ZNF638: variants seen among roughly 807,000 people sequenced by gnomAD.
ZNF638 encodes the protein zinc finger protein 638.
In ZNF638, 46 loss-of-function variants were observed where a neutral mutation model predicts 195.6. That is an observed-to-expected ratio of 0.24 (90% CI 0.19 to 0.30). The LOEUF is 0.30. Ranked by LOEUF, ZNF638 falls within the 10% of genes least tolerant of loss-of-function variation. The pLI is 1.00. For missense variants in ZNF638, 2,440 were observed against 2,325.3 expected, an observed-to-expected ratio of 1.05 and a Z score of -1.01; for synonymous variants, 845 against 772.0, an observed-to-expected ratio of 1.09 and a Z score of -1.57.
At chr2:71,381,298 C>A (rs573892573) in intron 10 of ZNF638, among the ~76,000 whole-genome samples, 1 of 151,972 alleles carries the variant, frequency 6.6e-6, no homozygotes, top group Non-Finnish European at 1.5e-5. Context: ...GTTTTTCTAA[C>A]TGGAATGAGG....
rs184212716 is a variant in ZNF638, at chr2:71,395,249, T to G, written c.2378-892T>G. On this transcript the variant is annotated intron_variant, in intron 10 of 27. Coordinates refer to ENST00000264447, the MANE Select transcript of ZNF638 (RefSeq NM_014497.5). ...CTTATGTTATTTACTAATTCTAGGA[T>G]GCAAAGCCGGAATACGAGCAGTAAT... is the stretch of plus-strand genomic sequence containing the variant. The G allele has an allele frequency of 5.7e-5, 41 of 717,376 alleles. No homozygotes were observed. The African/African-American group carries it at 6.8e-4, about 12-fold the overall frequency. The allele number at this position is 717,376 out of a possible 1,614,324, so 44.4% of individuals were successfully genotyped here.
At chr2:71,404,136 A>G in intron 17 of ZNF638, 138 bp downstream of exon 17, 1 of 800,156 alleles carries the variant, frequency 1.2e-6, no homozygotes, top group Non-Finnish European at 2.0e-6. Context: ...CTGTCCCTCC[A>G]ACAATCACCC....
chr2:71,423,824 T>C lies in ZNF638; in HGVS notation c.4310T>C (p.Phe1437Ser). 3 of 1,614,052 alleles carry C rather than the reference T, an allele frequency of 1.9e-6. No individual in the cohort carries two copies. The highest frequency in any genetic ancestry group is 2.5e-6 in the Non-Finnish European group (3 of 1,179,986). ...NAEKKLSAKE[F>S]GLLKPTSARS... ...GAAAAGAAACTTTCAGCCAAGGAAT[T>C]TGGTCTGCTTAAACCCACAAGTGCC... is the stretch of plus-strand genomic sequence containing the variant. Residue 1437 changes from phenylalanine to serine, a missense_variant, in exon 22 of 28, where the codon TTT becomes TCT. This residue lies in a region of ZNF638 where 1,883 missense variants were observed against 1,739.1 expected (regional missense o/e 1.08). Coordinates refer to ENST00000264447, the MANE Select transcript of ZNF638 (RefSeq NM_014497.5).
Position 71,418,341 on chromosome 2 carries a change from A to G in ZNF638, c.3262-261A>G, listed in dbSNP as rs919636369. 2.5e-5 allele frequency: 7 copies of G among 283,892 alleles called. No homozygotes were observed. The Admixed American group carries it at 3.1e-4, about 12-fold the overall frequency. 17.6% of individuals were successfully genotyped at this position (283,892 alleles called of 1,614,324 possible). On this transcript the variant is annotated intron_variant, in intron 20 of 27. Transcript: ENST00000264447. ...GAATTTCCAGGCTTCTAAAGTTAAT[A>G]AAGTTTCTTATTTATATCATTATTA...
At chr2:71,425,592 A>T (rs764365269) in intron 23 of ZNF638, among the ~76,000 whole-genome samples, 9 of 152,306 alleles carry the variant, frequency 5.9e-5, no homozygotes, top group East Asian at 5.8e-4. Context: ...GTTTTCAAAT[A>T]CAGTTATGTT....
chr2:71,358,472 G>C (rs1405465959), intron 3 of ZNF638, among the ~76,000 whole-genome samples: 1 of 152,188 alleles, frequency 6.6e-6, no homozygotes, highest in Non-Finnish European at 1.5e-5. Flanking sequence ...AACAGTGTGT[G>C]TATTAGCACC....
In ZNF638 at chr2:71,363,937, C is replaced by T. The variant is rs376507608; in HGVS notation, c.1419-17C>T. On this transcript the variant is annotated splice_polypyrimidine_tract_variant and intron_variant, in intron 4 of 27. Transcript: ENST00000264447. ...TTAAATTGCTGATCACTTTCTTTTC[C>T]GCCCCCCTGCTTGTAGAAATGAGGG... 167 of 1,587,574 alleles carry T rather than the reference C, an allele frequency of 1.1e-4. 2 individuals carry two copies. Among genetic ancestry groups the T allele is most frequent in the South Asian group, 9.3e-4 (81 of 86,916 alleles).
intron 16 of ZNF638, among the ~76,000 whole-genome samples, chr2:71,403,179 TG>T (rs1182492922): frequency 6.6e-6 from 1 of 152,164 alleles, no homozygotes; most frequent in Non-Finnish European, 1.5e-5. Flanking sequence ...TAAGAGTATT[TG>T]TTTAAAAAAG....
chr2:71,336,403 A>T (rs994058911), intron 1 of ZNF638, among the ~76,000 whole-genome samples: 1 of 149,676 alleles, frequency 6.7e-6, no homozygotes, highest in South Asian at 2.1e-4. Context: ...AAAAAAAACC[A>T]AAAAAACACA....
At chr2:71,343,217 GGC>G (rs1478195185) in intron 1 of ZNF638, among the ~76,000 whole-genome samples, 1 of 151,976 alleles carries the variant, frequency 6.6e-6, no homozygotes, top group African/African-American at 2.4e-5. Flanking sequence ...TTGGCACTTT[GGC>G]TATAGGAACG....
Position 71,365,614 on chromosome 2 carries a change from C to T in ZNF638, c.1903C>T (p.His635Tyr). ...AAAGAGTGATTCAAATCTAGGAGGA[C>T]ATTCTATTCGTTGTAAATCAAAGAA... ...ATKSDSNLGG[H>Y]SIRCKSKNLE... is the part of the protein sequence containing the mutation. The change falls in exon 6 of 28, where the codon CAT becomes TAT. Residue 635 changes from histidine (H) to tyrosine (Y), a missense_variant. His to Tyr is a moderately conservative substitution (Grantham distance 83). Coordinates refer to ENST00000264447, the MANE Select transcript of ZNF638 (RefSeq NM_014497.5). The T allele has an allele frequency of 1.2e-6, 2 of 1,614,086 alleles. No homozygotes were observed. Among genetic ancestry groups the T allele is most frequent in the Non-Finnish European group, 1.7e-6 (2 of 1,179,972 alleles).
chr2:71,418,636 A>G lies in ZNF638; in HGVS notation c.3296A>G (p.Glu1099Gly), dbSNP rs774376565. 2.6e-5 allele frequency: 40 copies of G among 1,563,564 alleles called. 1 individual carries two copies. In the South Asian group the frequency reaches 4.8e-4, roughly 19 times the overall value. ...GAGCATGACCCAGAATTAGAAAAAGAAAGGTATGTTGCTTTATGTTTACTA... is the reference window on the plus strand; with the variant it reads ...GAGCATGACCCAGAATTAGAAAAAGGAAGGTATGTTGCTTTATGTTTACTA... ...QIEHDPELEK[E>G]SPGLKNSPID... The change falls in exon 21 of 28, where the codon GAA becomes GGA. Residue 1099 changes from glutamate (E) to glycine (G), a missense_variant. By Grantham distance (98) the Glu-to-Gly change is moderately conservative (BLOSUM62 -2). Around this residue, in one of 5 missense-constraint regions of ZNF638, gnomAD observed 1,883 missense variants for 1,739.1 expected, o/e 1.08. Coordinates refer to ENST00000264447, the MANE Select transcript of ZNF638 (RefSeq NM_014497.5).
intron 8 of ZNF638, among the ~76,000 whole-genome samples, chr2:71,377,219 T>C (rs2079447084): frequency 6.6e-6 from 1 of 151,930 alleles, no homozygotes. Flanking sequence ...GGTGACGGAG[T>C]GAGACCCTAT....
chr2:71,338,453 G>A (rs1021598226), intron 1 of ZNF638, among the ~76,000 whole-genome samples: 1 of 151,720 alleles, frequency 6.6e-6, no homozygotes, highest in East Asian at 1.9e-4. Context: ...TGTATTTCTT[G>A]TCTTTCACAA....
intron 1 of ZNF638, among the ~76,000 whole-genome samples, chr2:71,335,448 A>T (rs1181123357): frequency 6.6e-6 from 1 of 152,200 alleles, no homozygotes; most frequent in Non-Finnish European, 1.5e-5. Context: ...AAAATTTCCT[A>T]TCTTATTTCC....
chr2:71,431,952 T>A (rs1387403969), intron 26 of ZNF638, among the ~76,000 whole-genome samples: 1 of 152,230 alleles, frequency 6.6e-6, no homozygotes. Flanking sequence ...ATCTGGGATG[T>A]ATCTCCTCTT....
At chr2:71,431,710 A>ATT (rs1461972974) in intron 26 of ZNF638, among the ~76,000 whole-genome samples, 1 of 151,508 alleles carries the variant, frequency 6.6e-6, no homozygotes, top group Non-Finnish European at 1.5e-5. Flanking sequence ...CAGTGAGCCG[A>ATT]GATAGCGCCA....
intron 21 of ZNF638, among the ~76,000 whole-genome samples, chr2:71,419,870 T>A (rs191638705): frequency 9.9e-5 from 15 of 150,954 alleles, no homozygotes; most frequent in Non-Finnish European, 1.5e-4. Context: ...ACATAGCTTT[T>A]AAAATTGAAT....
chr2:71,393,960 A>G (rs1367901982), intron 10 of ZNF638, among the ~76,000 whole-genome samples: 1 of 152,186 alleles, frequency 6.6e-6, no homozygotes, highest in Non-Finnish European at 1.5e-5. Context: ...CAAATGGCAA[A>G]GGAATTGCCT....
Sources: allele counts gnomAD v4.1 joint callset (sites outside exome capture counted in the v4.1 genomes callset), GRCh38; gene constraint gnomAD v4.1.1; regional missense constraint gnomAD v4.1.1; transcripts MANE v1.5; gene names NCBI Gene and HGNC (gene_info 2026-07-23, HGNC 2026-07-21).